The following COL16A1 variants were observed in gnomAD, a reference collection of about 807,000 sequenced individuals.
COL16A1 encodes collagen alpha-1(XVI) chain.
In COL16A1, 189 loss-of-function variants were observed where a neutral mutation model predicts 266.3. That is an observed-to-expected ratio of 0.71 (90% confidence interval 0.63 to 0.80). COL16A1 has a LOEUF of 0.80. Among genes scored for constraint, COL16A1 ranks in the 30% least tolerant of loss-of-function variants. The pLI, the probability that COL16A1 is intolerant of heterozygous loss-of-function variation, is 0.00. For synonymous variants in COL16A1, 740 were observed against 782.3 expected (o/e 0.95, Z 0.90); for missense variants, 1,928 against 2,122.4 (o/e 0.91, Z 1.80).
At chr1:31,690,323 G>A (rs1241438171) in intron 22 of COL16A1, 44 bp downstream of exon 22, 1 of 1,611,954 alleles carries the variant, frequency 6.2e-7, no homozygotes, top group Non-Finnish European at 8.5e-7. Context: ...CAGAAAGGGG[G>A]TCCCGTTCCC....
chr1:31,700,014 G>A (rs373122885), intron 3 of COL16A1, 27 bp downstream of exon 3: 74 of 1,613,404 alleles, frequency 4.6e-5, no homozygotes, highest in Non-Finnish European at 6.0e-5. Context: ...TTGCAGGGAC[G>A]GCGCGATGAG....
intron 10 of COL16A1, 85 bp from the exon 11 acceptor site, chr1:31,695,306 A>G (rs1207314206): frequency 1.5e-6 from 2 of 1,309,806 alleles, no homozygotes; most frequent in Non-Finnish European, 2.2e-6. Flanking sequence ...GGCCCACAGA[A>G]CATCACACAT....
In COL16A1 at chr1:31,665,872, C is replaced by T. The variant is rs760422219; in HGVS notation, c.3456+10G>A. The T allele has an allele frequency of 6.8e-6, 11 of 1,614,006 alleles. No homozygotes were observed. Among genetic ancestry groups the T allele is most frequent in the Admixed American group, 3.3e-5 (2 of 59,996 alleles). The stretch of plus-strand genomic sequence containing the variant: ...TGCCTCCCTGCAGCCAGGTCCCAGT[C>T]GTCACTCACCTGGTCGCCCTTCTCA... On this transcript the variant is annotated intron_variant, in intron 54 of 70. Transcript: ENST00000373672.
chr1:31,688,361 G>T lies in COL16A1; in HGVS notation c.1803+106C>A. On this transcript the variant is annotated intron_variant, in intron 26 of 70. Coordinates refer to ENST00000373672, the MANE Select transcript of COL16A1 (RefSeq NM_001856.4). This position sits in a 1 kb window ranked among gnomAD's most constrained non-coding sequence, Gnocchi z 4.9. ...AAATTAATTTCACTGTGAATTTACC[G>T]TCTGAATCTCTTGTTTATATTACCC... 1 of 1,252,784 alleles carries T rather than the reference G, an allele frequency of 8.0e-7. No individual in the cohort carries two copies. The highest frequency in any genetic ancestry group is 1.2e-6 in the Non-Finnish European group (1 of 859,380). The allele number at this position is 1,252,784 out of a possible 1,614,324, so 77.6% of individuals were successfully genotyped here.
In COL16A1 at chr1:31,685,580, C is replaced by A; in HGVS notation, c.2016+59G>T. ...AAGAGACCCAGGCAGGACCCCTCCC[C>A]TCTCCTTAGCCCCGCCTGCATCCCC... is the stretch of plus-strand genomic sequence containing the variant. On this transcript the variant is annotated intron_variant, in intron 29 of 70. Transcript: ENST00000373672. This position sits in a 1 kb window ranked among gnomAD's most constrained non-coding sequence, Gnocchi z 4.0. 1 of 1,573,752 alleles carries A rather than the reference C, an allele frequency of 6.4e-7. No individual in the cohort carries two copies. Among genetic ancestry groups the A allele is most frequent in the Non-Finnish European group, 8.7e-7 (1 of 1,154,304 alleles).
At chr1:31,660,561 A>G (rs915601119) in intron 62 of COL16A1, 24 bp downstream of exon 62, 4 of 1,613,392 alleles carry the variant, frequency 2.5e-6, no homozygotes, top group Non-Finnish European at 3.4e-6. Context: ...TTATGGAGAC[A>G]GAGACAAAAG....
intron 23 of COL16A1, 87 bp from the exon 24 acceptor site, chr1:31,689,172 A>G: frequency 6.3e-7 from 1 of 1,598,320 alleles, no homozygotes. Flanking sequence ...CAGCAATGTC[A>G]CACACGCAAA....
chr1:31,685,898 T>C lies in COL16A1; in HGVS notation c.1885-128A>G. 2 of 1,515,678 alleles carry C rather than the reference T, an allele frequency of 1.3e-6. No homozygotes were observed. The highest frequency in any genetic ancestry group is 2.5e-5 in the South Asian group (2 of 78,898). The allele number at this position is 1,515,678 out of a possible 1,614,324, so 93.9% of individuals were successfully genotyped here. On this transcript the variant is annotated intron_variant, in intron 28 of 70. Transcript: ENST00000373672. The surrounding 1 kb of genome is among the most constrained non-coding windows in gnomAD (Gnocchi z 4.0). ...ACCTCTGCTGGGTGAGGGGTTATCT[T>C]GGGAAAGATGAAGGGAGAACAGGAA...
Position 31,683,211 on chromosome 1 carries a change from C to T in COL16A1, c.2452G>A (p.Gly818Arg). Reference protein sequence around the residue: ...PGPRGPPGPTGEKGAQGSPGV... With the variant: ...PGPRGPPGPTREKGAQGSPGV... ...AGGCTCACCTGGGCACCCTTCTCTCCAGTGGGGCCAGGTGGTCCCCGAGGT... is the reference window on the plus strand; with the variant it reads ...AGGCTCACCTGGGCACCCTTCTCTCTAGTGGGGCCAGGTGGTCCCCGAGGT... Residue 818 changes from glycine to arginine, a missense_variant, in exon 36 of 71, where the codon GGA becomes AGA. Physicochemically the swap from Gly to Arg is moderately radical, Grantham distance 125 (BLOSUM62 -2). Around this residue, in one of 2 missense-constraint regions of COL16A1, gnomAD observed 1,552 missense variants for 1,637.2 expected, o/e 0.95. Transcript: ENST00000373672. 6.2e-7 allele frequency: 1 copy of T among 1,614,202 alleles called. No individual in the cohort carries two copies. Among genetic ancestry groups the T allele is most frequent in the East Asian group, 2.2e-5 (1 of 44,886 alleles).
At chr1:31,681,266 T>G (rs1557658467) in intron 37 of COL16A1, among the ~76,000 whole-genome samples, 199 bp from the exon 38 acceptor site, 1 of 152,188 alleles carries the variant, frequency 6.6e-6, no homozygotes, top group East Asian at 1.9e-4. Flanking sequence ...CACGTCTCAG[T>G]GCCAGCCACT....
intron 64 of COL16A1, 43 bp downstream of exon 64, chr1:31,658,445 G>A: frequency 6.6e-7 from 1 of 1,508,978 alleles, no homozygotes; most frequent in Non-Finnish European, 9.1e-7. Context: ...TGAGCCAATT[G>A]ACTCTTTCCC....
At chr1:31,672,278 A>C in intron 47 of COL16A1, 138 bp downstream of exon 47, 1 of 901,732 alleles carries the variant, frequency 1.1e-6, no homozygotes, top group South Asian at 1.6e-5. Flanking sequence ...ATCCCAGAGA[A>C]GCCACGTGCC....
chr1:31,684,663 T>C (rs1643883583), intron 30 of COL16A1, 33 bp from the exon 31 acceptor site: 1 of 1,610,682 alleles, frequency 6.2e-7, no homozygotes, highest in South Asian at 1.1e-5. Context: ...AAAGCAAGGA[T>C]GGCCCAGCCG....
chr1:31,672,310 G>C, intron 47 of COL16A1, 106 bp downstream of exon 47: 2 of 1,278,874 alleles, frequency 1.6e-6, no homozygotes, highest in Non-Finnish European at 2.2e-6. Context: ...TGAGCCCAGA[G>C]TGGTAAAGGG....
chr1:31,688,795 C>T lies in COL16A1; in HGVS notation c.1767+66G>A. Reference sequence around the variant, plus strand: ...CCCTGAGACTTGGGATCTGAAAAGCCAGGGAGATCAACAGTATGGCAAGGA... The same window carrying T: ...CCCTGAGACTTGGGATCTGAAAAGCTAGGGAGATCAACAGTATGGCAAGGA... On this transcript the variant is annotated intron_variant, in intron 25 of 70. Coordinates refer to ENST00000373672, the MANE Select transcript of COL16A1 (RefSeq NM_001856.4). This position sits in a 1 kb window ranked among gnomAD's most constrained non-coding sequence, Gnocchi z 4.9. The T allele has an allele frequency of 6.7e-7, 1 of 1,499,382 alleles. No individual in the cohort carries two copies. Among genetic ancestry groups the T allele is most frequent in the South Asian group, 1.2e-5 (1 of 84,090 alleles). 92.9% of individuals were successfully genotyped at this position (1,499,382 alleles called of 1,614,324 possible).
Position 31,697,317 on chromosome 1 carries a change from C to T in COL16A1, c.658-17G>A, listed in dbSNP as rs1644543287. On this transcript the variant is annotated splice_polypyrimidine_tract_variant and intron_variant, in intron 6 of 70. Coordinates refer to ENST00000373672, the MANE Select transcript of COL16A1 (RefSeq NM_001856.4). This position sits in a 1 kb window ranked among gnomAD's most constrained non-coding sequence, Gnocchi z 4.2. Reference sequence around the variant, plus strand: ...AAGGTCAAACTGCAGGAGACACACACATCAATTTCACTTCATTTTATCAAA... The same window carrying T: ...AAGGTCAAACTGCAGGAGACACACATATCAATTTCACTTCATTTTATCAAA... The T allele has an allele frequency of 2.5e-6, 4 of 1,592,270 alleles. No homozygotes were observed. Among genetic ancestry groups the T allele is most frequent in the Non-Finnish European group, 3.4e-6 (4 of 1,168,030 alleles).
At chr1:31,665,061 C>A in intron 56 of COL16A1, 111 bp downstream of exon 56, 6 of 1,493,330 alleles carry the variant, frequency 4.0e-6, no homozygotes, top group Non-Finnish European at 5.4e-6. Context: ...AGCCTCAGTG[C>A]AACTGGGTCA....
chr1:31,686,017 C>T (rs1222890846), intron 28 of COL16A1, 74 bp downstream of exon 28: 149 of 1,591,178 alleles, frequency 9.4e-5, no homozygotes, highest in Non-Finnish European at 1.1e-4. Context: ...CCAGAGGGTT[C>T]GAAGTCGAGC....
intron 40 of COL16A1, 75 bp downstream of exon 40, chr1:31,679,967 G>A: frequency 1.3e-6 from 2 of 1,592,882 alleles, no homozygotes. Context: ...CGGGGCCTTT[G>A]CACACTGGGC....
Sources: gnomAD v4.1 joint callset for allele counts (sites outside exome capture counted in the v4.1 genomes callset) on GRCh38, gnomAD v4.1.1 for gene constraint, gnomAD v4.1.1 regional missense constraint, Gnocchi (gnomAD v3.1) non-coding constraint, MANE v1.5 for transcripts, NCBI Gene and HGNC (gene_info 2026-07-23, HGNC 2026-07-21) for gene names.